DCC: variants seen among roughly 807,000 people sequenced by gnomAD.
The protein encoded by DCC is DCC netrin 1 receptor.
A neutral mutation model predicts 172.5 loss-of-function variants in DCC; 58 were observed. That is an observed-to-expected ratio of 0.34 (90% CI 0.27 to 0.42). DCC has a LOEUF of 0.42. DCC is among the 10% of genes least tolerant of loss of function. The probability of loss-of-function intolerance (pLI) is 1.00; values close to 1 mark genes in which losing one functional copy is unlikely to be tolerated. For missense variants in DCC, 1,740 were observed against 1,791.0 expected (o/e 0.97, Z 0.51); for synonymous variants, 709 against 644.5 (o/e 1.10, Z -1.52).
chr18:52,509,776 C>T (rs768337945), intron 1 of DCC, among the ~76,000 whole-genome samples: 8 of 152,178 alleles, frequency 5.3e-5, no homozygotes, highest in East Asian at 1.9e-4. Context: ...TACACCCCCA[C>T]GGATGAACCG....
At chr18:53,232,310 G>A (rs2056134780) in intron 12 of DCC, among the ~76,000 whole-genome samples, 1 of 152,118 alleles carries the variant, frequency 6.6e-6, no homozygotes, top group African/African-American at 2.4e-5. Flanking sequence ...AGTTGCAAAT[G>A]TCATGTGACT....
In DCC at chr18:52,569,403, C is replaced by T. The variant is rs528347628; in HGVS notation, c.92-182651C>T. Among the ~76,000 whole-genome samples the T allele has an allele frequency of 7.9e-5, 12 of 152,242 alleles. No individual in the cohort carries two copies. The South Asian group carries it at 2.1e-3, about 26-fold the overall frequency. On this transcript the variant is annotated intron_variant, in intron 1 of 28. Transcript: ENST00000442544. ...TGAAGGAAAAAACTTGTCACATGACCGGGCACATCTAAAGTGCTCAATAAA... is the reference window on the plus strand; with the variant it reads ...TGAAGGAAAAAACTTGTCACATGACTGGGCACATCTAAAGTGCTCAATAAA...
intron 5 of DCC, among the ~76,000 whole-genome samples, chr18:52,966,960 T>C (rs144253649): frequency 0.013 from 2,050 of 152,336 alleles, 60 homozygotes; most frequent in African/African-American, 0.047. Flanking sequence ...TGAACGTCTT[T>C]GGAGCCCCTG....
At chr18:53,317,188 T>C (rs2057353642) in intron 13 of DCC, among the ~76,000 whole-genome samples, 1 of 152,236 alleles carries the variant, frequency 6.6e-6, no homozygotes, top group African/African-American at 2.4e-5. Flanking sequence ...CTTTTCTGCA[T>C]CTATGGAGGT....
At chr18:52,415,872 T>C (rs903897773) in intron 1 of DCC, among the ~76,000 whole-genome samples, 1 of 152,238 alleles carries the variant, frequency 6.6e-6, no homozygotes, top group Admixed American at 6.5e-5. Flanking sequence ...CTCTATTTCC[T>C]TCAGTTCTAC....
chr18:52,952,501 G>A (rs1028964956), intron 5 of DCC, among the ~76,000 whole-genome samples: 1 of 152,068 alleles, frequency 6.6e-6, no homozygotes, highest in African/African-American at 2.4e-5. Context: ...ATAAAATAGG[G>A]TATATAAAAG....
chr18:53,041,699 G>A (rs767496421), intron 5 of DCC, among the ~76,000 whole-genome samples: 1 of 151,982 alleles, frequency 6.6e-6, no homozygotes, highest in Non-Finnish European at 1.5e-5. Flanking sequence ...TTCAGCAGTG[G>A]TTGGTAGTTC....
intron 12 of DCC, among the ~76,000 whole-genome samples, chr18:53,277,441 C>A (rs145714767): frequency 6.6e-6 from 1 of 152,146 alleles, no homozygotes; most frequent in African/African-American, 2.4e-5. Context: ...TCCTCCAGCA[C>A]TTTCAATGTT....
chr18:52,367,277 G>C (rs1291575463), intron 1 of DCC, among the ~76,000 whole-genome samples: 1 of 152,160 alleles, frequency 6.6e-6, no homozygotes, highest in African/African-American at 2.4e-5. Flanking sequence ...GTTCCCGCTC[G>C]CGCCTCTCCC....
At chr18:52,458,717 G>C (rs1988534705) in intron 1 of DCC, among the ~76,000 whole-genome samples, 1 of 152,100 alleles carries the variant, frequency 6.6e-6, no homozygotes, top group Non-Finnish European at 1.5e-5. Flanking sequence ...TGGCATAAAA[G>C]TCTATATTAC....
intron 1 of DCC, among the ~76,000 whole-genome samples, chr18:52,352,391 AT>A (rs1489176730): frequency 2.0e-5 from 3 of 152,176 alleles, no homozygotes. Flanking sequence ...CAATCACATC[AT>A]GGTTTAGTGG....
chr18:52,435,955 C>A (rs1481285409), intron 1 of DCC, among the ~76,000 whole-genome samples: 1 of 152,184 alleles, frequency 6.6e-6, no homozygotes, highest in East Asian at 1.9e-4. Context: ...GATCAGATGA[C>A]CCATGGCAAC....
intron 1 of DCC, among the ~76,000 whole-genome samples, chr18:52,490,183 T>C (rs956140867): frequency 6.6e-6 from 1 of 152,076 alleles, no homozygotes; most frequent in Non-Finnish European, 1.5e-5. Flanking sequence ...AATTAAGATA[T>C]ACTAATAGAC....
chr18:52,602,429 A>G (rs546861763), intron 1 of DCC, among the ~76,000 whole-genome samples: 35 of 31,854 alleles, frequency 1.1e-3, no homozygotes, highest in African/African-American at 2.6e-3. Flanking sequence ...GTGTGATTCA[A>G]CTTACAACAT....
chr18:52,802,004 CT>C (rs58379877), intron 2 of DCC, among the ~76,000 whole-genome samples: 9,466 of 143,764 alleles, frequency 0.066, 322 homozygotes, highest in Admixed American at 0.11. Context: ...TTATTCTATT[CT>C]TTTTTTTTTT....
chr18:52,881,960 T>A (rs1398285963), intron 2 of DCC, among the ~76,000 whole-genome samples: 1 of 152,130 alleles, frequency 6.6e-6, no homozygotes, highest in African/African-American at 2.4e-5. Flanking sequence ...TTTTTGTATG[T>A]CTTCTTTAAT....
chr18:53,048,658 TTATATATG>T (rs572816401), intron 5 of DCC, among the ~76,000 whole-genome samples: 3 of 151,196 alleles, frequency 2.0e-5, no homozygotes, highest in African/African-American at 7.3e-5. Flanking sequence ...ACACATTCTT[TTATATATG>T]TATATATGAT....
chr18:53,193,040 G>A (rs2055389861), intron 9 of DCC, among the ~76,000 whole-genome samples: 1 of 151,972 alleles, frequency 6.6e-6, no homozygotes. Flanking sequence ...TCCATGGCCA[G>A]CCATTATTCT....
intron 19 of DCC, among the ~76,000 whole-genome samples, chr18:53,405,190 TAAAAAA>T (rs367591898): frequency 2.9e-5 from 4 of 139,100 alleles, no homozygotes; most frequent in African/African-American, 1.1e-4. Flanking sequence ...TAATAAAAAG[TAAAAAA>T]AAAAAAAAAG....
Sources: gnomAD v4.1 joint callset for allele counts (sites outside exome capture counted in the v4.1 genomes callset) on GRCh38, gnomAD v4.1.1 for gene constraint, MANE v1.5 for transcripts, NCBI Gene and HGNC (gene_info 2026-07-23, HGNC 2026-07-21) for gene names.